Variants in PCDHGA6 observed in about 807,000 individuals in gnomAD.
PCDHGA6 encodes the protein protocadherin gamma subfamily A, 6.
PCDHGA6 carries 41 observed loss-of-function variants against 60.6 expected under a neutral mutation model. The ratio of observed to expected loss-of-function variants is 0.68; its 90% CI spans 0.53 to 0.88. The LOEUF (loss-of-function observed/expected upper bound fraction) is 0.88, where lower values mean the gene tolerates loss of function less well. Ranked by LOEUF, PCDHGA6 falls within the 40% of genes least tolerant of loss-of-function variation. The pLI, the probability that PCDHGA6 is intolerant of heterozygous loss-of-function variation, is 0.00. For synonymous variants in PCDHGA6, 594 were observed against 524.4 expected, an observed-to-expected ratio of 1.13 and a Z score of -1.81; for missense variants, 1,312 against 1,203.0, an observed-to-expected ratio of 1.09 and a Z score of -1.34.
In PCDHGA6 at chr5:141,374,994, C is replaced by A; in HGVS notation, c.911C>A (p.Ser304Tyr). Residue 304 changes from serine to tyrosine, a missense_variant, in exon 1 of 4, where the codon TCT becomes TAT. Ser to Tyr is a moderately radical substitution (Grantham distance 144). Coordinates refer to ENST00000517434, the MANE Select transcript of PCDHGA6 (RefSeq NM_018919.3). ...GTTTTGACTGGAGAAATTTCAACTT[C>A]TGCAAATCTAGACTATGAGGACTCG... ...LNVLTGEIST[S>Y]ANLDYEDSSF... 1.2e-6 allele frequency: 2 copies of A among 1,614,038 alleles called. No homozygotes were observed. Among genetic ancestry groups the A allele is most frequent in the Non-Finnish European group, 1.7e-6 (2 of 1,179,902 alleles).
At chr5:141,494,772 G>C in intron 1 of PCDHGA6, 35 bp from the exon 2 acceptor site, 1 of 1,613,982 alleles carries the variant, frequency 6.2e-7, no homozygotes, top group Non-Finnish European at 8.5e-7. Context: ...ACTTCTCACG[G>C]GTACTCAGCC....
At chr5:141,399,856 G>A (rs1391939612) in intron 1 of PCDHGA6, 1 of 1,612,894 alleles carries the variant, frequency 6.2e-7, no homozygotes, top group Non-Finnish European at 8.5e-7. Flanking sequence ...GGTGCCGCGC[G>A]CTGCAGAGCC....
chr5:141,500,043 T>A (rs1240979831), intron 2 of PCDHGA6, among the ~76,000 whole-genome samples: 1 of 152,048 alleles, frequency 6.6e-6, no homozygotes, highest in East Asian at 1.9e-4. Flanking sequence ...CTCTTAAGTA[T>A]CTTAATGCTC....
chr5:141,486,405 G>A lies in PCDHGA6; in HGVS notation c.2425-8402G>A. 6.2e-7 allele frequency: 1 copy of A among 1,614,114 alleles called. No homozygotes were observed. The highest frequency in any genetic ancestry group is 2.2e-5 in the East Asian group (1 of 44,862). On this transcript the variant is annotated intron_variant, in intron 1 of 3. Transcript: ENST00000517434. The surrounding 1 kb of genome is among the most constrained non-coding windows in gnomAD (Gnocchi z 5.0). ...AACCAGTTCTCCCTGGTGACTGCTG[G>A]ACCCTTGGATCGAGAGGCCAAATCT...
intron 1 of PCDHGA6, chr5:141,478,393 G>A (rs2099452978): frequency 6.2e-7 from 1 of 1,613,488 alleles, no homozygotes; most frequent in South Asian, 1.1e-5. Flanking sequence ...TTTACCATCA[G>A]GTGTATCTCA....
At position 141,374,187 on chromosome 5, in the gene PCDHGA6, T is replaced by C. The variant is rs1770247069; in HGVS notation, c.104T>C (p.Ile35Thr). The C allele has an allele frequency of 1.2e-6, 2 of 1,613,640 alleles. No homozygotes were observed. Among genetic ancestry groups the C allele is most frequent in the Non-Finnish European group, 1.7e-6 (2 of 1,179,878 alleles). ...GAAAAQIRYSIPEELEKGSFV... is the reference protein window; with the variant it reads ...GAAAAQIRYSTPEELEKGSFV... ...GCGGCAGCGCAGATCCGCTACTCTA[T>C]TCCCGAGGAGCTGGAGAAAGGCTCC... The change falls in exon 1 of 4, where the codon ATT (isoleucine) becomes ACT (threonine). Residue 35 changes from isoleucine to threonine, a missense_variant. Transcript: ENST00000517434.
At chr5:141,417,585 G>T in intron 1 of PCDHGA6, 1 of 462,794 alleles carries the variant, frequency 2.2e-6, no homozygotes, top group South Asian at 4.9e-5. Context: ...GTCCCACACA[G>T]AGCCTCTGGG....
chr5:141,422,926 G>GC, intron 1 of PCDHGA6: 1 of 1,614,230 alleles, frequency 6.2e-7, no homozygotes, highest in African/African-American at 1.3e-5. Context: ...CCTGTACCCT[G>GC]CCCTCCCCAC....
intron 1 of PCDHGA6, among the ~76,000 whole-genome samples, chr5:141,445,923 T>C (rs1169404585): frequency 6.6e-6 from 1 of 152,200 alleles, no homozygotes; most frequent in Non-Finnish European, 1.5e-5. Context: ...AGTGACAAGA[T>C]ATTTGAATTA....
Position 141,375,664 on chromosome 5 carries a change from C to A in PCDHGA6, c.1581C>A (p.Asp527Glu), listed in dbSNP as rs766359955. 2 of 1,614,256 alleles carry A rather than the reference C, an allele frequency of 1.2e-6. No individual in the cohort carries two copies. Among genetic ancestry groups the A allele is most frequent in the East Asian group, 4.5e-5 (2 of 44,878 alleles). Reference protein sequence around the residue: ...LRSFDYEQLRDLQLWVTASDS... With the variant: ...LRSFDYEQLRELQLWVTASDS... ...CCTTCGACTATGAGCAGTTGAGAGA[C>A]CTACAGCTGTGGGTGACAGCCAGCG... The change falls in exon 1 of 4, where the codon GAC becomes GAA. Residue 527 changes from aspartate (D) to glutamate (E), a missense_variant. Asp to Glu is a conservative substitution (Grantham distance 45). Coordinates refer to ENST00000517434, the MANE Select transcript of PCDHGA6 (RefSeq NM_018919.3).
rs765969768 is a variant in PCDHGA6, at chr5:141,421,456, G to A, written c.2424+44949G>A. ...CTCCAGAGGGAAGACACAGCTTTTC[G>A]CTGTGAATCCGCGAAGCGGCAGCTT... is the stretch of plus-strand genomic sequence containing the variant. On this transcript the variant is annotated intron_variant, in intron 1 of 3. Transcript: ENST00000517434. 9.3e-6 allele frequency: 15 copies of A among 1,614,132 alleles called. No homozygotes were observed. Among genetic ancestry groups the A allele is most frequent in the Non-Finnish European group, 1.1e-5 (13 of 1,179,948 alleles).
At chr5:141,395,896 A>C (rs1229120477) in intron 1 of PCDHGA6, 2 of 152,188 alleles carry the variant, frequency 1.3e-5, no homozygotes, top group Admixed American at 6.5e-5. Flanking sequence ...CCTGGGCTCC[A>C]TGCCCATGGA....
Position 141,490,943 on chromosome 5 carries a change from G to A in PCDHGA6, c.2425-3864G>A, listed in dbSNP as rs1035375216. The A allele has an allele frequency of 6.8e-6, 11 of 1,613,470 alleles. No homozygotes were observed. The East Asian group carries it at 1.1e-4, about 16-fold the overall frequency. On this transcript the variant is annotated intron_variant, in intron 1 of 3. Coordinates refer to ENST00000517434, the MANE Select transcript of PCDHGA6 (RefSeq NM_018919.3). This position sits in a 1 kb window ranked among gnomAD's most constrained non-coding sequence, Gnocchi z 5.4. Reference sequence around the variant, plus strand: ...AATGCCCCAGCTGTGCTGCACCCACGGCCAGACTGGGAACACTCAGCCCCC... The same window carrying A: ...AATGCCCCAGCTGTGCTGCACCCACAGCCAGACTGGGAACACTCAGCCCCC...
chr5:141,413,967 G>C, intron 1 of PCDHGA6: 15 of 1,613,428 alleles, frequency 9.3e-6, no homozygotes, highest in Non-Finnish European at 1.2e-5. Context: ...TGGGCACTCA[G>C]CTGCTGACAG....
chr5:141,408,096 C>T, intron 1 of PCDHGA6: 5 of 1,434,864 alleles, frequency 3.5e-6, no homozygotes, highest in Non-Finnish European at 4.6e-6. Flanking sequence ...ATTGCCAGCT[C>T]CGAGACCCGG....
At position 141,431,367 on chromosome 5, in the gene PCDHGA6, A is replaced by G; in HGVS notation, c.2424+54860A>G. 1.2e-6 allele frequency: 2 copies of G among 1,613,984 alleles called. No homozygotes were observed. The highest frequency in any genetic ancestry group is 2.2e-5 in the South Asian group (2 of 91,084). On this transcript the variant is annotated intron_variant, in intron 1 of 3. Coordinates refer to ENST00000517434, the MANE Select transcript of PCDHGA6 (RefSeq NM_018919.3). This position sits in a 1 kb window ranked among gnomAD's most constrained non-coding sequence, Gnocchi z 4.8. ...GTGCTGAAACGCGCCCTGGACCGCGAAGAAAAGGCTGCTCACCACCTGGTC... is the reference window on the plus strand; with the variant it reads ...GTGCTGAAACGCGCCCTGGACCGCGGAGAAAAGGCTGCTCACCACCTGGTC...
chr5:141,455,587 T>C (rs1383947901), intron 1 of PCDHGA6, among the ~76,000 whole-genome samples: 1 of 152,162 alleles, frequency 6.6e-6, no homozygotes, highest in African/African-American at 2.4e-5. Flanking sequence ...CCTTTTAATA[T>C]GCAAACGTAG....
chr5:141,418,360 G>A (rs544948410), intron 1 of PCDHGA6: 3 of 1,613,990 alleles, frequency 1.9e-6, no homozygotes, highest in Non-Finnish European at 2.5e-6. Context: ...TGAATTCGCT[G>A]AGCAAATACC....
At chr5:141,390,012 G>A (rs370865188) in intron 1 of PCDHGA6, 2 of 1,614,034 alleles carry the variant, frequency 1.2e-6, no homozygotes, top group South Asian at 2.2e-5. Context: ...TCTGGCCATT[G>A]CCTTGCGCCT....
Sources: gnomAD v4.1 joint callset for allele counts (sites outside exome capture counted in the v4.1 genomes callset) on GRCh38, gnomAD v4.1.1 for gene constraint, Gnocchi (gnomAD v3.1) non-coding constraint, MANE v1.5 for transcripts, NCBI Gene and HGNC (gene_info 2026-07-23, HGNC 2026-07-21) for gene names.